Variants in MVB12B observed in about 807,000 individuals in gnomAD.
The protein encoded by MVB12B is ESCRT-I complex subunit MVB12B.
MVB12B carries 16 observed loss-of-function variants against 41.6 expected under a neutral mutation model. The observed-to-expected ratio is 0.38, with a 90% CI of 0.26 to 0.58. MVB12B has a LOEUF of 0.58. Among genes scored for constraint, MVB12B ranks in the 20% least tolerant of loss-of-function variants. MVB12B has a pLI of 0.62. For missense variants in MVB12B, 274 were observed against 380.2 expected (o/e 0.72, Z 2.32); for synonymous variants, 133 against 139.7 (o/e 0.95, Z 0.34).
rs1554776184 is a variant in MVB12B, at chr9:126,413,849, T to TGTGTGTGTGTGTGTGC, written c.663-8001_663-8000insGTGTGTGTGTGCGTGT. 4.2e-3 allele frequency among the ~76,000 whole-genome samples: 623 copies of TGTGTGTGTGTGTGTGC among 148,612 alleles called. 9 individuals carry two copies. The highest frequency in any genetic ancestry group is 0.028 in the East Asian group (141 of 5,072). On this transcript the variant is annotated intron_variant, in intron 6 of 9. Coordinates refer to ENST00000361171, the MANE Select transcript of MVB12B (RefSeq NM_033446.3). ...GTGTGTGTGTGTGTGTGTGTGTGTG[T>TGTGTGTGTGTGTGTGC]GTGTATAAGGGTTGGGAGATCAAAG...
chr9:126,438,993 A>G (rs1160158614), intron 7 of MVB12B, among the ~76,000 whole-genome samples: 2 of 151,998 alleles, frequency 1.3e-5, no homozygotes, highest in South Asian at 2.1e-4. Flanking sequence ...GCCATTCCAC[A>G]GGCTTGAGAA....
intron 9 of MVB12B, among the ~76,000 whole-genome samples, chr9:126,496,584 C>A (rs1268395325): frequency 1.3e-5 from 2 of 151,906 alleles, no homozygotes; most frequent in Non-Finnish European, 2.9e-5. Context: ...TTGTTGTGGT[C>A]CGTTCTCCCC....
At chr9:126,328,724 A>T (rs1028697117) in intron 1 of MVB12B, among the ~76,000 whole-genome samples, 3 of 152,252 alleles carry the variant, frequency 2.0e-5, no homozygotes, top group Middle Eastern at 6.8e-3. Context: ...TTGTTAACGG[A>T]TGAATGAGAG....
chr9:126,483,403 C>G (rs188753801), intron 8 of MVB12B, among the ~76,000 whole-genome samples: 9 of 152,260 alleles, frequency 5.9e-5, no homozygotes, highest in Admixed American at 5.9e-4. Context: ...TTTTCCACAT[C>G]GATTTCTCAA....
At chr9:126,500,908 G>A (rs1327447115) in intron 9 of MVB12B, among the ~76,000 whole-genome samples, 1 of 152,376 alleles carries the variant, frequency 6.6e-6, no homozygotes, top group East Asian at 1.9e-4. Context: ...TGCCCTCGGA[G>A]GTGGCCTTCA....
At chr9:126,347,829 C>T (rs923951012) in intron 2 of MVB12B, among the ~76,000 whole-genome samples, 1 of 152,202 alleles carries the variant, frequency 6.6e-6, no homozygotes, top group African/African-American at 2.4e-5. Flanking sequence ...TGGCATATCC[C>T]GTCTGAGCAC....
chr9:126,433,549 C>T (rs1011022660), intron 7 of MVB12B, among the ~76,000 whole-genome samples: 1 of 152,140 alleles, frequency 6.6e-6, no homozygotes, highest in Non-Finnish European at 1.5e-5. Context: ...TCTAGCTCTC[C>T]TGTTCCGTGA....
intron 4 of MVB12B, among the ~76,000 whole-genome samples, chr9:126,388,886 C>G (rs1178549088): frequency 6.6e-6 from 1 of 152,230 alleles, no homozygotes; most frequent in Non-Finnish European, 1.5e-5. Context: ...CCTCCTTTTC[C>G]CCTGTGTTTT....
intron 2 of MVB12B, among the ~76,000 whole-genome samples, chr9:126,362,367 T>G (rs1285864977): frequency 6.6e-6 from 1 of 152,094 alleles, no homozygotes; most frequent in Non-Finnish European, 1.5e-5. Context: ...ATTGAGTCTT[T>G]GTAAAAAGCA....
At chr9:126,362,450 A>G (rs1324480280) in intron 2 of MVB12B, among the ~76,000 whole-genome samples, 1 of 152,202 alleles carries the variant, frequency 6.6e-6, no homozygotes, top group African/African-American at 2.4e-5. Flanking sequence ...TATTTGGGAA[A>G]AGGAAAGTAA....
At position 126,486,692 on chromosome 9, in the gene MVB12B, G is replaced by T. The variant is rs1341373467; in HGVS notation, c.873+2660G>T. On this transcript the variant is annotated intron_variant, in intron 9 of 9. Transcript: ENST00000361171. The surrounding 1 kb of genome is among the most constrained non-coding windows in gnomAD (Gnocchi z 4.7). The stretch of plus-strand genomic sequence containing the variant: ...CTGAGGCTTTCCATACGTGATCACT[G>T]GTTCCTACCCCAGGCCTCATTCCTC... Among the ~76,000 whole-genome samples, 1 of 152,206 alleles carries T rather than the reference G, an allele frequency of 6.6e-6. No individual in the cohort carries two copies. Among genetic ancestry groups the T allele is most frequent in the African/African-American group, 2.4e-5 (1 of 41,448 alleles).
chr9:126,399,877 T>C (rs926961339), intron 6 of MVB12B, among the ~76,000 whole-genome samples: 2 of 152,180 alleles, frequency 1.3e-5, no homozygotes, highest in African/African-American at 4.8e-5. Flanking sequence ...ACTCTGCATC[T>C]CCTCTACAGC....
At chr9:126,481,308 T>A in intron 7 of MVB12B, 61 bp from the exon 8 acceptor site, 1 of 1,381,766 alleles carries the variant, frequency 7.2e-7, no homozygotes, top group Non-Finnish European at 1.0e-6. Flanking sequence ...CTTCAGTTGC[T>A]GGACAACTAA....
intron 2 of MVB12B, among the ~76,000 whole-genome samples, chr9:126,348,764 G>A (rs1286661330): frequency 6.6e-6 from 1 of 151,962 alleles, no homozygotes; most frequent in African/African-American, 2.4e-5. Flanking sequence ...TTGAGACAAT[G>A]GTAGACTCAC....
At chr9:126,482,480 C>T (rs574758157) in intron 8 of MVB12B, among the ~76,000 whole-genome samples, 4 of 152,222 alleles carry the variant, frequency 2.6e-5, no homozygotes, top group Admixed American at 2.6e-4. Flanking sequence ...ATGCGGAGCT[C>T]CAGGAACTTC....
chr9:126,402,944 C>T (rs917218634), intron 6 of MVB12B, among the ~76,000 whole-genome samples: 1 of 152,216 alleles, frequency 6.6e-6, no homozygotes, highest in Non-Finnish European at 1.5e-5. Flanking sequence ...GCAAGTGGCA[C>T]CTTCCAGCCG....
chr9:126,496,454 C>A (rs969220695), intron 9 of MVB12B, among the ~76,000 whole-genome samples: 1 of 142,942 alleles, frequency 7.0e-6, no homozygotes, highest in African/African-American at 2.6e-5. Context: ...ACCCACCCAC[C>A]GCTACCCACC....
rs547993450 is a variant in MVB12B, at chr9:126,473,830, G to A, written c.758-7539G>A. On this transcript the variant is annotated intron_variant, in intron 7 of 9. Coordinates refer to ENST00000361171, the MANE Select transcript of MVB12B (RefSeq NM_033446.3). The surrounding 1 kb of genome is among the most constrained non-coding windows in gnomAD (Gnocchi z 4.0). ...GGGTGGGGACACAGATTCAAGCCAC[G>A]TTAAGTGGTAATGTTGAGGCTTGAG... Among the ~76,000 whole-genome samples the A allele has an allele frequency of 5.3e-5, 8 of 152,220 alleles. No individual in the cohort carries two copies. Among genetic ancestry groups the A allele is most frequent in the East Asian group, 1.9e-4 (1 of 5,204 alleles).
chr9:126,495,469 ATTTTCCTAC>A (rs1365490482), intron 9 of MVB12B, among the ~76,000 whole-genome samples: 1 of 152,154 alleles, frequency 6.6e-6, no homozygotes, highest in Non-Finnish European at 1.5e-5. Flanking sequence ...TCTATCTTTC[ATTTTCCTAC>A]TTTTAATAGT....
Sources: allele counts gnomAD v4.1 joint callset (sites outside exome capture counted in the v4.1 genomes callset), GRCh38; gene constraint gnomAD v4.1.1; non-coding constraint Gnocchi (gnomAD v3.1); transcripts MANE v1.5; gene names NCBI Gene and HGNC (gene_info 2026-07-23, HGNC 2026-07-21).